The following IFT43 variants were observed in gnomAD, a reference collection of about 807,000 sequenced individuals.
IFT43 encodes the protein intraflagellar transport protein 43 homolog.
A neutral mutation model predicts 32.3 loss-of-function variants in IFT43; 33 were observed. The ratio of observed to expected loss-of-function variants is 1.02; its 90% CI spans 0.77 to 1.37. IFT43 has a LOEUF of 1.37. Among genes scored for constraint, IFT43 ranks in the 40% most tolerant of loss-of-function variants. The pLI is 0.00. For missense variants in IFT43, 274 were observed against 265.9 expected, an observed-to-expected ratio of 1.03 and a Z score of -0.21; for synonymous variants, 93 against 98.2, an observed-to-expected ratio of 0.95 and a Z score of 0.31.
intron 2 of IFT43, among the ~76,000 whole-genome samples, chr14:75,989,570 CTT>C (rs1566693318): frequency 6.6e-6 from 1 of 152,168 alleles, no homozygotes; most frequent in African/African-American, 2.4e-5. Context: ...TTTGAAAAAA[CTT>C]TGCAAAAGTC....
chr14:76,007,098 A>G lies in IFT43; in HGVS notation c.148-15229A>G, dbSNP rs563582574. ...GGTCTTGAACTCCTGAGCTCAAGCA[A>G]TCCTCCTGCTCTGGCCTTCCAAAAT... On this transcript the variant is annotated intron_variant, in intron 2 of 8. Transcript: ENST00000314067. Among the ~76,000 whole-genome samples, 13 of 152,232 alleles carry G rather than the reference A, an allele frequency of 8.5e-5. No individual in the cohort carries two copies. In the South Asian group the frequency reaches 1.0e-3, roughly 12 times the overall value.
intron 3 of IFT43, among the ~76,000 whole-genome samples, chr14:76,030,525 T>C (rs924808984): frequency 6.6e-6 from 1 of 152,178 alleles, no homozygotes; most frequent in South Asian, 2.1e-4. Context: ...CTAGGCTCTT[T>C]TAGTAGGTAG....
chr14:76,065,138 G>A (rs967090101), intron 5 of IFT43, among the ~76,000 whole-genome samples: 1 of 152,160 alleles, frequency 6.6e-6, no homozygotes, highest in Non-Finnish European at 1.5e-5. Context: ...TGTTAAGAAA[G>A]TGAAGTTCAG....
At chr14:76,047,261 AG>A (rs1378617247) in intron 3 of IFT43, among the ~76,000 whole-genome samples, 6 of 152,186 alleles carry the variant, frequency 3.9e-5, no homozygotes, top group Non-Finnish European at 8.8e-5. Context: ...GCCTGAGATT[AG>A]AGCTCAGCAC....
intron 2 of IFT43, among the ~76,000 whole-genome samples, chr14:76,016,572 G>T (rs1797587931): frequency 6.6e-6 from 1 of 152,026 alleles, no homozygotes; most frequent in Non-Finnish European, 1.5e-5. Flanking sequence ...TTTTAGGGTT[G>T]TTTTTTCTGT....
intron 3 of IFT43, among the ~76,000 whole-genome samples, chr14:76,039,088 G>A (rs2036657986): frequency 6.6e-6 from 1 of 151,880 alleles, no homozygotes; most frequent in Admixed American, 6.6e-5. Context: ...AGGCACGCAG[G>A]TCTAATGTTA....
intron 2 of IFT43, among the ~76,000 whole-genome samples, chr14:76,008,183 T>G (rs1026752578): frequency 7.9e-5 from 12 of 152,172 alleles, no homozygotes; most frequent in African/African-American, 2.9e-4. Flanking sequence ...TCTTCTTGAT[T>G]TGGGCAGCTT....
intron 3 of IFT43, among the ~76,000 whole-genome samples, chr14:76,034,139 T>G (rs1031933439): frequency 7.2e-5 from 11 of 152,226 alleles, no homozygotes; most frequent in Non-Finnish European, 1.6e-4. Context: ...ATACTTGTCT[T>G]AATTTGGCTG....
intron 5 of IFT43, among the ~76,000 whole-genome samples, chr14:76,062,827 G>T (rs1237275417): frequency 6.9e-6 from 1 of 145,460 alleles, no homozygotes; most frequent in Non-Finnish European, 1.5e-5. Context: ...TGAGGCAGGA[G>T]AATCACTTGA....
In IFT43 at chr14:76,030,536, AAC is replaced by A. The variant is rs556029624; in HGVS notation, c.215+8143_215+8144del. Among the ~76,000 whole-genome samples the A allele has an allele frequency of 3.7e-3, 561 of 152,278 alleles. 1 individual carries two copies. Among genetic ancestry groups the A allele is most frequent in the Non-Finnish European group, 4.9e-3 (334 of 68,030 alleles). On this transcript the variant is annotated intron_variant, in intron 3 of 8. Transcript: ENST00000314067. The stretch of plus-strand genomic sequence containing the variant: ...GCTTCTAGGCTCTTTTAGTAGGTAG[AAC>A]TAGGAAACACATTTTAAAAAATACG...
chr14:76,062,578 A>C (rs908452166), intron 5 of IFT43, among the ~76,000 whole-genome samples: 28 of 152,148 alleles, frequency 1.8e-4, no homozygotes, highest in Admixed American at 3.9e-4. Context: ...TGAGTCAAGG[A>C]CCACATTGAA....
At chr14:76,078,180 A>G (rs2037443710) in intron 5 of IFT43, among the ~76,000 whole-genome samples, 1 of 152,242 alleles carries the variant, frequency 6.6e-6, no homozygotes, top group Non-Finnish European at 1.5e-5. Flanking sequence ...TCAGCAAATA[A>G]ATATGAAAAA....
chr14:76,052,844 A>T (rs957465727), intron 3 of IFT43, among the ~76,000 whole-genome samples: 32 of 152,238 alleles, frequency 2.1e-4, no homozygotes, highest in African/African-American at 7.7e-4. Flanking sequence ...TAACTACCAG[A>T]TCATCAGGAC....
At chr14:76,016,123 T>C (rs1242094668) in intron 2 of IFT43, among the ~76,000 whole-genome samples, 2 of 152,220 alleles carry the variant, frequency 1.3e-5, no homozygotes, top group Non-Finnish European at 2.9e-5. Flanking sequence ...TAGTTTATCC[T>C]TACACTGTGT....
intron 5 of IFT43, among the ~76,000 whole-genome samples, chr14:76,062,809 C>T (rs545284341): frequency 2.7e-5 from 4 of 148,504 alleles, no homozygotes; most frequent in South Asian, 2.2e-4. Context: ...CCCAGCTACT[C>T]GGGAGGCTGA....
chr14:76,061,943 T>C (rs114562338), intron 5 of IFT43, among the ~76,000 whole-genome samples: 1,595 of 152,328 alleles, frequency 0.01, 30 homozygotes, highest in African/African-American at 0.036. Flanking sequence ...TTTTGGATTC[T>C]CAGATTAGGG....
intron 6 of IFT43, 84 bp from the exon 7 acceptor site, chr14:76,082,532 CA>C: frequency 6.6e-7 from 1 of 1,509,746 alleles, no homozygotes; most frequent in Non-Finnish European, 9.2e-7. Context: ...CTGCTGTATA[CA>C]AGGTTCTGGG....
chr14:76,015,354 C>CT (rs1470399573), intron 2 of IFT43, among the ~76,000 whole-genome samples: 2 of 152,190 alleles, frequency 1.3e-5, no homozygotes, highest in African/African-American at 4.8e-5. Flanking sequence ...CCCTCCTCCT[C>CT]TCCCCTCTGC....
chr14:76,081,258 T>C (rs1460758046), intron 5 of IFT43, among the ~76,000 whole-genome samples: 2 of 152,256 alleles, frequency 1.3e-5, no homozygotes, highest in Non-Finnish European at 2.9e-5. Context: ...TAAGATTGAA[T>C]TCAGTCCATG....
Sources: gnomAD v4.1 joint callset for allele counts (sites outside exome capture counted in the v4.1 genomes callset) on GRCh38, gnomAD v4.1.1 for gene constraint, MANE v1.5 for transcripts, NCBI Gene and HGNC (gene_info 2026-07-23, HGNC 2026-07-21) for gene names.